The following CMSS1 variants were observed in gnomAD, a reference collection of about 807,000 sequenced individuals.
CMSS1 encodes cms1 ribosomal small subunit homolog, also known as protein CMSS1.
In CMSS1, 33 loss-of-function variants were observed where a neutral mutation model predicts 43.5. The ratio of observed to expected loss-of-function variants is 0.76; its 90% CI spans 0.57 to 1.01. The LOEUF is 1.01. CMSS1 is among the 50% of genes least tolerant of loss of function. The pLI is 0.00. For missense variants in CMSS1, 313 were observed against 326.4 expected (o/e 0.96, Z 0.32); for synonymous variants, 115 against 117.2 (o/e 0.98, Z 0.12).
At chr3:99,918,625 TAA>T (rs1707028978) in intron 1 of CMSS1, among the ~76,000 whole-genome samples, 1 of 152,168 alleles carries the variant, frequency 6.6e-6, no homozygotes, top group Non-Finnish European at 1.5e-5. Context: ...TGTGCAGTTT[TAA>T]GAGTATGGTT....
At position 100,053,450 on chromosome 3, in the gene CMSS1, A is replaced by C. The variant is rs375440746; in HGVS notation, c.65-93523A>C. ...CCCAAATCTGCCGCTGTCTTTACAT[A>C]GTTGTCTTCCCTCGTTGTGTCTGTA... On this transcript the variant is annotated intron_variant, in intron 1 of 9. Coordinates refer to ENST00000421999, the MANE Select transcript of CMSS1 (RefSeq NM_032359.4). Among the ~76,000 whole-genome samples, 19 of 152,242 alleles carry C rather than the reference A, an allele frequency of 1.2e-4. No homozygotes were observed. The East Asian group carries it at 2.3e-3, about 19-fold the overall frequency.
intron 1 of CMSS1, chr3:99,924,520 T>TTTTG: frequency 1.8e-6 from 2 of 1,124,242 alleles, no homozygotes; most frequent in Non-Finnish European, 2.6e-6. Flanking sequence ...TTTTTTGGTT[T>TTTTG]TTTGTTTGTT....
At position 100,160,483 on chromosome 3, in the gene CMSS1, G is replaced by T; in HGVS notation, c.207G>T (p.Lys69Asn). 1.3e-6 allele frequency: 2 copies of T among 1,507,576 alleles called. No individual in the cohort carries two copies. The highest frequency in any genetic ancestry group is 2.3e-5 in the South Asian group (2 of 87,686). The allele number at this position is 1,507,576 out of a possible 1,614,324, so 93.4% of individuals were successfully genotyped here. A position where few individuals can be genotyped will look rare whatever the true frequency, so the allele number is the denominator to read the frequency against. Residue 69 changes from lysine to asparagine, a missense_variant, in exon 3 of 10, where the codon AAG becomes AAT. Physicochemically the swap from Lys to Asn is moderately conservative, Grantham distance 94 (BLOSUM62 0). Coordinates refer to ENST00000421999, the MANE Select transcript of CMSS1 (RefSeq NM_032359.4). ...AGGAAAGAAAAGAGAATACCACCAA[G>T]ACCAGGAAAAGAAGAAAGGTAATAT... is the stretch of plus-strand genomic sequence containing the variant. ...QPKERKENTT[K>N]TRKRRKKKIT...
Position 100,131,118 on chromosome 3 carries a change from G to A in CMSS1, c.65-15855G>A, listed in dbSNP as rs78389783. Among the ~76,000 whole-genome samples, 464 of 152,240 alleles carry A rather than the reference G, an allele frequency of 3.0e-3. 3 individuals carry two copies. Among genetic ancestry groups the A allele is most frequent in the Non-Finnish European group, 5.1e-3 (346 of 68,008 alleles). ...TAAGTAACTTACATTCATTACATCA[G>A]GACTCCATGTAACAACCCTATGAAG... On this transcript the variant is annotated intron_variant, in intron 1 of 9. Coordinates refer to ENST00000421999, the MANE Select transcript of CMSS1 (RefSeq NM_032359.4).
intron 2 of CMSS1, among the ~76,000 whole-genome samples, chr3:100,152,049 A>C (rs951285356): frequency 6.6e-6 from 1 of 152,228 alleles, no homozygotes; most frequent in African/African-American, 2.4e-5. Flanking sequence ...GAAGGCAAAT[A>C]GGAGGCACAT....
chr3:100,155,828 A>G (rs1408738513), intron 2 of CMSS1, among the ~76,000 whole-genome samples: 6 of 152,164 alleles, frequency 3.9e-5, no homozygotes, highest in Admixed American at 2.0e-4. Context: ...CATTCCATTA[A>G]GTTCTAGCAT....
chr3:100,157,262 AT>A (rs2066984108), intron 2 of CMSS1, among the ~76,000 whole-genome samples: 1 of 151,062 alleles, frequency 6.6e-6, no homozygotes, highest in South Asian at 2.1e-4. Flanking sequence ...TGTTTTTCCC[AT>A]TTTTACAGCA....
intron 1 of CMSS1, among the ~76,000 whole-genome samples, chr3:100,116,198 T>A (rs1229431214): frequency 6.6e-6 from 1 of 152,196 alleles, no homozygotes; most frequent in African/African-American, 2.4e-5. Context: ...CTTTTGCAGT[T>A]AATAAATATT....
intron 1 of CMSS1, among the ~76,000 whole-genome samples, chr3:100,080,166 A>T (rs1384580796): frequency 6.6e-6 from 1 of 152,174 alleles, no homozygotes; most frequent in Admixed American, 6.5e-5. Context: ...TTTTTTTAAT[A>T]GAGACGGGGA....
chr3:99,965,880 C>T (rs2107709907), intron 1 of CMSS1, among the ~76,000 whole-genome samples: 1 of 152,280 alleles, frequency 6.6e-6, no homozygotes, highest in East Asian at 1.9e-4. Flanking sequence ...GTCATGTTGT[C>T]CAGCCTGCCG....
chr3:100,061,403 G>A (rs1481922300), intron 1 of CMSS1, among the ~76,000 whole-genome samples: 1 of 152,156 alleles, frequency 6.6e-6, no homozygotes, highest in Non-Finnish European at 1.5e-5. Flanking sequence ...TTAAATGTTT[G>A]GCTGATGTAG....
At chr3:99,983,732 A>G (rs1378648045) in intron 1 of CMSS1, among the ~76,000 whole-genome samples, 1 of 150,996 alleles carries the variant, frequency 6.6e-6, no homozygotes, top group East Asian at 1.9e-4. Context: ...TTATTTACCT[A>G]GAATCTCTGT....
chr3:100,004,923 C>G (rs1333196167), intron 1 of CMSS1, among the ~76,000 whole-genome samples: 1 of 152,054 alleles, frequency 6.6e-6, no homozygotes. Flanking sequence ...AGCCTCATAC[C>G]CATTAGATAT....
In CMSS1 at chr3:100,180,804, T is replaced by C. The variant is rs995888567; in HGVS notation, c.*2416T>C. 1.8e-4 allele frequency: 28 copies of C among 152,192 alleles called. No individual in the cohort carries two copies. The highest frequency in any genetic ancestry group is 1.7e-3 in the Admixed American group (26 of 15,284). 9.4% of individuals were successfully genotyped at this position (152,192 alleles called of 1,614,324 possible). A position where few individuals can be genotyped will look rare whatever the true frequency, so the allele number is the denominator to read the frequency against. ...TTTTTTAGGTATCTTTATAGAAATGTCCCACTTCTCTGGTACCAATTTTTT... is the reference window on the plus strand; with the variant it reads ...TTTTTTAGGTATCTTTATAGAAATGCCCCACTTCTCTGGTACCAATTTTTT... On this transcript the variant is annotated 3_prime_UTR_variant, in exon 10 of 10. Transcript: ENST00000421999.
chr3:100,056,532 G>A (rs2065466283), intron 1 of CMSS1, among the ~76,000 whole-genome samples: 1 of 152,120 alleles, frequency 6.6e-6, no homozygotes, highest in African/African-American at 2.4e-5. Context: ...TAACATTTTA[G>A]CCTCCAGGTC....
intron 1 of CMSS1, among the ~76,000 whole-genome samples, chr3:99,893,826 T>C (rs1706166924): frequency 6.6e-6 from 1 of 152,210 alleles, no homozygotes; most frequent in African/African-American, 2.4e-5. Flanking sequence ...CTTAAAAATA[T>C]CTTTAGGTTT....
intron 1 of CMSS1, among the ~76,000 whole-genome samples, chr3:100,096,526 A>G (rs1576054526): frequency 6.6e-6 from 1 of 152,008 alleles, no homozygotes; most frequent in Non-Finnish European, 1.5e-5. Context: ...GACAAACATC[A>G]CATGTTCTGA....
At position 100,178,289 on chromosome 3, in the gene CMSS1, CT is replaced by C; in HGVS notation, c.757-12del. On this transcript the variant is annotated splice_polypyrimidine_tract_variant and intron_variant, in intron 9 of 9. Coordinates refer to ENST00000421999, the MANE Select transcript of CMSS1 (RefSeq NM_032359.4). ...CTTGATCTTAATCTTTTTTTCCCCC[CT>C]TTTCTCTCATTTAGATAAGAAAGGA... 1.3e-6 allele frequency: 2 copies of C among 1,566,064 alleles called. No individual in the cohort carries two copies. The highest frequency in any genetic ancestry group is 2.7e-5 in the African/African-American group (2 of 73,932).
intron 1 of CMSS1, among the ~76,000 whole-genome samples, chr3:99,948,691 AAGGAGAG>A (rs1038557734): frequency 3.3e-5 from 5 of 149,430 alleles, no homozygotes; most frequent in African/African-American, 1.2e-4. Flanking sequence ...GAAGAGGAGA[AAGGAGAG>A]AGAAAGGGAG....
Sources: allele counts gnomAD v4.1 joint callset (sites outside exome capture counted in the v4.1 genomes callset), GRCh38; gene constraint gnomAD v4.1.1; transcripts MANE v1.5; gene names NCBI Gene and HGNC (gene_info 2026-07-23, HGNC 2026-07-21).